KCNMA1: variants seen among roughly 807,000 people sequenced by gnomAD.
KCNMA1 encodes the protein Calcium-activated potassium channel subunit alpha-1.
A neutral mutation model predicts 140.0 loss-of-function variants in KCNMA1; 29 were observed. That is an observed-to-expected ratio of 0.21 (90% CI 0.15 to 0.28). The LOEUF (loss-of-function observed/expected upper bound fraction) is 0.28. Among genes scored for constraint, KCNMA1 ranks in the 10% least tolerant of loss-of-function variants. The probability of loss-of-function intolerance (pLI) is 1.00; values close to 1 mark genes in which losing one functional copy is unlikely to be tolerated. For missense variants in KCNMA1, 880 were observed against 1,602.2 expected (o/e 0.55, Z 7.70); for synonymous variants, 612 against 611.9 (o/e 1.00, Z 0.00).
chr10:77,050,942 C>G (rs1376283820), intron 14 of KCNMA1, among the ~76,000 whole-genome samples: 1 of 152,144 alleles, frequency 6.6e-6, no homozygotes, highest in Admixed American at 6.5e-5. Context: ...GATAATTAGC[C>G]TAAACAATAT....
intron 15 of KCNMA1, among the ~76,000 whole-genome samples, chr10:77,030,501 T>C (rs1443488983): frequency 1.3e-5 from 2 of 152,220 alleles, no homozygotes; most frequent in South Asian, 2.1e-4. Context: ...GTATGGATCG[T>C]GCAAAGGTTA....
intron 16 of KCNMA1, among the ~76,000 whole-genome samples, chr10:77,021,327 A>G (rs546998547): frequency 6.6e-6 from 1 of 152,330 alleles, no homozygotes; most frequent in South Asian, 2.1e-4. Context: ...GCTAGCTTAC[A>G]ATGCCTCTAA....
chr10:77,437,115 T>C (rs1248355589), intron 1 of KCNMA1, among the ~76,000 whole-genome samples: 1 of 152,138 alleles, frequency 6.6e-6, no homozygotes, highest in African/African-American at 2.4e-5. Flanking sequence ...GGAATTTATC[T>C]TGACCACCAG....
chr10:77,113,856 A>C (rs2097384634), intron 6 of KCNMA1, among the ~76,000 whole-genome samples: 1 of 152,214 alleles, frequency 6.6e-6, no homozygotes, highest in South Asian at 2.1e-4. Context: ...TTTGTGTGTG[A>C]CAAGAGCAGC....
At chr10:77,063,687 A>G (rs2095840372) in intron 14 of KCNMA1, 1 of 952,434 alleles carries the variant, frequency 1.0e-6, no homozygotes, top group South Asian at 4.9e-5. Context: ...AGGAAATCTG[A>G]TATTTTATTC....
chr10:77,423,005 C>T (rs191845977), intron 1 of KCNMA1, among the ~76,000 whole-genome samples: 5 of 152,202 alleles, frequency 3.3e-5, no homozygotes, highest in Non-Finnish European at 7.3e-5. Flanking sequence ...AAAGCTCTGG[C>T]CAAGGCCTTA....
At chr10:77,351,158 T>C (rs1340038532) in intron 2 of KCNMA1, among the ~76,000 whole-genome samples, 1 of 152,214 alleles carries the variant, frequency 6.6e-6, no homozygotes, top group Non-Finnish European at 1.5e-5. Flanking sequence ...TTTAAAGTAT[T>C]ATAAATTTTT....
intron 1 of KCNMA1, among the ~76,000 whole-genome samples, chr10:77,481,607 T>C (rs1236089972): frequency 6.6e-6 from 1 of 151,874 alleles, no homozygotes; most frequent in African/African-American, 2.4e-5. Flanking sequence ...AGCCCATCTC[T>C]ACTAAAAATA....
chr10:77,544,363 T>G (rs1379357331), intron 1 of KCNMA1, among the ~76,000 whole-genome samples: 1 of 152,180 alleles, frequency 6.6e-6, no homozygotes, highest in Non-Finnish European at 1.5e-5. Flanking sequence ...ACAGCTAAAC[T>G]TGAAGAGCAC....
intron 16 of KCNMA1, among the ~76,000 whole-genome samples, chr10:77,025,240 G>GTATATA (rs1384161555): frequency 0.04 from 2,549 of 64,432 alleles, 71 homozygotes; most frequent in Admixed American, 0.048. Context: ...AGGGGTGTGT[G>GTATATA]TGTATATATA....
At chr10:77,392,970 T>A (rs557700936) in intron 2 of KCNMA1, among the ~76,000 whole-genome samples, 2 of 152,318 alleles carry the variant, frequency 1.3e-5, no homozygotes, top group Non-Finnish European at 2.9e-5. Context: ...CTGTGACACA[T>A]GCGCCCACAA....
chr10:77,199,445 T>C (rs567815111), intron 3 of KCNMA1, among the ~76,000 whole-genome samples: 67 of 152,296 alleles, frequency 4.4e-4, no homozygotes, highest in African/African-American at 1.5e-3. Context: ...TTGGATAAGA[T>C]ATTTAATCAT....
chr10:77,069,154 C>T (rs900848785), intron 14 of KCNMA1, among the ~76,000 whole-genome samples: 2 of 152,140 alleles, frequency 1.3e-5, no homozygotes, highest in Non-Finnish European at 2.9e-5. Context: ...AGTTCATTGC[C>T]TGGGTCTTTA....
intron 2 of KCNMA1, among the ~76,000 whole-genome samples, chr10:77,341,059 A>C (rs997913844): frequency 1.3e-5 from 2 of 152,164 alleles, no homozygotes; most frequent in South Asian, 2.1e-4. Flanking sequence ...CAGGGGGTTA[A>C]GCACATGGGC....
intron 14 of KCNMA1, chr10:77,064,016 C>T (rs1011112093): frequency 5.3e-5 from 52 of 985,230 alleles, no homozygotes; most frequent in Admixed American, 6.2e-5. Flanking sequence ...TGACCATTGC[C>T]GCTTCTCGGG....
intron 19 of KCNMA1, among the ~76,000 whole-genome samples, chr10:76,993,207 G>A (rs897289610): frequency 3.9e-5 from 6 of 152,090 alleles, no homozygotes; most frequent in Admixed American, 2.6e-4. Context: ...ACACACTCAA[G>A]ATGTAAGATA....
At chr10:77,179,586 A>G (rs750686419) in intron 5 of KCNMA1, among the ~76,000 whole-genome samples, 1 of 152,162 alleles carries the variant, frequency 6.6e-6, no homozygotes, top group Non-Finnish European at 1.5e-5. Context: ...ACAACACAGC[A>G]AAACTAGCCC....
chr10:77,187,459 C>G (rs2098880575), intron 3 of KCNMA1, among the ~76,000 whole-genome samples: 1 of 152,200 alleles, frequency 6.6e-6, no homozygotes, highest in Non-Finnish European at 1.5e-5. Context: ...TGAAGCCATA[C>G]AAGACCTTTT....
chr10:77,012,192 G>A (rs550070619), intron 17 of KCNMA1, 149 bp from the exon 18 acceptor site: 106 of 1,518,948 alleles, frequency 7.0e-5, no homozygotes, highest in East Asian at 2.9e-4. Context: ...ATTTGCAGAC[G>A]GAAATGTTTG....
Sources: gnomAD v4.1 joint callset for allele counts (sites outside exome capture counted in the v4.1 genomes callset) on GRCh38, gnomAD v4.1.1 for gene constraint, MANE v1.5 for transcripts, NCBI Gene and HGNC (gene_info 2026-07-23, HGNC 2026-07-21) for gene names.